NEDD9: variants seen among roughly 807,000 people sequenced by gnomAD.
NEDD9 encodes the protein neural precursor cell expressed, developmentally down-regulated 9.
In NEDD9, 26 loss-of-function variants were observed where a neutral mutation model predicts 76.6. That is an observed-to-expected ratio of 0.34 (90% CI 0.25 to 0.47). The LOEUF is 0.47. Ranked by LOEUF, NEDD9 falls within the 20% of genes least tolerant of loss-of-function variation. NEDD9 has a pLI of 1.00. For missense variants in NEDD9, 937 were observed against 1,058.5 expected (o/e 0.89, Z 1.59); for synonymous variants, 392 against 414.2 (o/e 0.95, Z 0.65).
chr6:11,331,180 T>C (rs1762029816), intron 2 of NEDD9, among the ~76,000 whole-genome samples: 1 of 152,174 alleles, frequency 6.6e-6, no homozygotes, highest in Non-Finnish European at 1.5e-5. Context: ...TGGGGAACAG[T>C]GGAGACTGAT....
chr6:11,203,064 C>T (rs140408328), intron 2 of NEDD9, among the ~76,000 whole-genome samples: 5 of 152,286 alleles, frequency 3.3e-5, no homozygotes, highest in African/African-American at 1.2e-4. Flanking sequence ...CTTTGTGTAG[C>T]CAGTGCTAAA....
chr6:11,229,789 A>T (rs1430601074), intron 1 of NEDD9, among the ~76,000 whole-genome samples: 1 of 152,232 alleles, frequency 6.6e-6, no homozygotes, highest in Non-Finnish European at 1.5e-5. Flanking sequence ...AGATTAGATA[A>T]GTGCTAACCA....
intron 3 of NEDD9, among the ~76,000 whole-genome samples, chr6:11,303,174 G>T (rs1215032540): frequency 6.6e-6 from 1 of 152,134 alleles, no homozygotes; most frequent in African/African-American, 2.4e-5. Flanking sequence ...AAAGTTTCAG[G>T]ATACAAAATC....
At chr6:11,321,490 C>T (rs868404054) in intron 2 of NEDD9, among the ~76,000 whole-genome samples, 1 of 152,180 alleles carries the variant, frequency 6.6e-6, no homozygotes, top group Admixed American at 6.5e-5. Context: ...AGCTTTGTTT[C>T]GTGTTTATCG....
chr6:11,335,540 T>A (rs958678466), intron 1 of NEDD9, among the ~76,000 whole-genome samples: 5 of 152,206 alleles, frequency 3.3e-5, no homozygotes, highest in Non-Finnish European at 5.9e-5. Flanking sequence ...TTGAGCGAAT[T>A]GGGCTACAAA....
At chr6:11,286,555 TGG>T (rs1760653355) in intron 3 of NEDD9, among the ~76,000 whole-genome samples, 1 of 152,154 alleles carries the variant, frequency 6.6e-6, no homozygotes, top group Admixed American at 6.5e-5. Context: ...TGCCCCCAAC[TGG>T]GAACAAACCA....
chr6:11,343,327 G>T (rs1324387364), intron 1 of NEDD9, among the ~76,000 whole-genome samples: 1 of 152,056 alleles, frequency 6.6e-6, no homozygotes, highest in African/African-American at 2.4e-5. Flanking sequence ...TACTCAGGAG[G>T]CTGAGGCAGG....
chr6:11,192,724 A>G (rs1330487608), intron 3 of NEDD9, among the ~76,000 whole-genome samples: 1 of 149,112 alleles, frequency 6.7e-6, no homozygotes, highest in East Asian at 2.1e-4. Context: ...CACAAGGTCA[A>G]GAAATCGAGA....
chr6:11,254,143 T>A (rs1759961242), intron 3 of NEDD9, among the ~76,000 whole-genome samples: 1 of 152,142 alleles, frequency 6.6e-6, no homozygotes, highest in Non-Finnish European at 1.5e-5. Flanking sequence ...TTTTCTGAGA[T>A]GGAGTCTCGC....
intron 2 of NEDD9, among the ~76,000 whole-genome samples, chr6:11,321,907 G>A (rs1761815228): frequency 6.6e-6 from 1 of 152,176 alleles, no homozygotes; most frequent in Non-Finnish European, 1.5e-5. Context: ...AAATGAAGCT[G>A]ATGCAAGTGC....
intron 1 of NEDD9, among the ~76,000 whole-genome samples, chr6:11,364,708 CT>C (rs1762733421): frequency 6.6e-6 from 1 of 152,112 alleles, no homozygotes; most frequent in African/African-American, 2.4e-5. Context: ...AGTTACTCTA[CT>C]GTATTAGGAT....
chr6:11,274,706 A>T (rs188309500), intron 3 of NEDD9, among the ~76,000 whole-genome samples: 1 of 152,242 alleles, frequency 6.6e-6, no homozygotes, highest in South Asian at 2.1e-4. Context: ...TAAAGCATGA[A>T]AAAACCAATG....
intron 3 of NEDD9, among the ~76,000 whole-genome samples, chr6:11,240,204 C>T (rs1340025295): frequency 2.6e-5 from 4 of 152,028 alleles, no homozygotes; most frequent in Non-Finnish European, 5.9e-5. Context: ...GTGGGTGGGG[C>T]GCTAGGCAGC....
At chr6:11,280,967 C>T (rs1760524691) in intron 3 of NEDD9, among the ~76,000 whole-genome samples, 1 of 152,218 alleles carries the variant, frequency 6.6e-6, no homozygotes, top group Non-Finnish European at 1.5e-5. Context: ...ATACATGGAC[C>T]TTCAAGGCCT....
chr6:11,239,096 G>A (rs951984874), intron 3 of NEDD9, among the ~76,000 whole-genome samples: 3 of 152,136 alleles, frequency 2.0e-5, no homozygotes, highest in Non-Finnish European at 2.9e-5. Flanking sequence ...GAGCCCAGGA[G>A]GTCAACGCTG....
chr6:11,374,907 T>C (rs1463910403), intron 1 of NEDD9, among the ~76,000 whole-genome samples: 1 of 152,238 alleles, frequency 6.6e-6, no homozygotes, highest in Non-Finnish European at 1.5e-5. Flanking sequence ...TTCTTTTTTT[T>C]CTTTTTGTTT....
intron 3 of NEDD9, chr6:11,304,937 C>A (rs1440685128): frequency 1.6e-5 from 8 of 515,934 alleles, no homozygotes; most frequent in Admixed American, 3.7e-5. Context: ...CACATGTACC[C>A]TAGAACTTAA....
chr6:11,357,719 A>G (rs370329810), intron 1 of NEDD9, among the ~76,000 whole-genome samples: 12 of 152,340 alleles, frequency 7.9e-5, no homozygotes, highest in East Asian at 7.7e-4. Context: ...TTCAGTCCCA[A>G]TGACCCTAAG....
intron 1 of NEDD9, among the ~76,000 whole-genome samples, chr6:11,375,409 A>G (rs1209811001): frequency 6.6e-6 from 1 of 152,234 alleles, no homozygotes; most frequent in African/African-American, 2.4e-5. Flanking sequence ...AGGCCAATCA[A>G]AAAGTAAAGT....
Sources: allele counts gnomAD v4.1 joint callset (sites outside exome capture counted in the v4.1 genomes callset), GRCh38; gene constraint gnomAD v4.1.1; transcripts MANE v1.5; gene names NCBI Gene and HGNC (gene_info 2026-07-23, HGNC 2026-07-21).